The following NEBL variants were observed in gnomAD, a reference collection of about 807,000 sequenced individuals.
NEBL encodes the protein LIM and SH3 protein 2.
Under a neutral mutation model 140.2 loss-of-function variants are expected in NEBL, and 122 were observed. The observed-to-expected ratio is 0.87, with a 90% confidence interval of 0.75 to 1.01. The LOEUF is 1.01. NEBL is among the 50% of genes least tolerant of loss of function. The pLI is 0.00. For missense variants in NEBL, 1,365 were observed against 1,231.3 expected, an observed-to-expected ratio of 1.11 and a Z score of -1.62; for synonymous variants, 436 against 398.9, an observed-to-expected ratio of 1.09 and a Z score of -1.11.
chr10:21,016,668 G>A (rs1368907382), intron 3 of NEBL, among the ~76,000 whole-genome samples: 1 of 152,106 alleles, frequency 6.6e-6, no homozygotes, highest in African/African-American at 2.4e-5. Flanking sequence ...GATTCACTTA[G>A]CATCACAAAT....
chr10:20,813,929 T>C lies in NEBL; in HGVS notation c.2346+10A>G, dbSNP rs767016620. 7 of 1,522,516 alleles carry C rather than the reference T, an allele frequency of 4.6e-6. No individual in the cohort carries two copies. Among genetic ancestry groups the C allele is most frequent in the Non-Finnish European group, 6.4e-6 (7 of 1,096,774 alleles). The allele number at this position is 1,522,516 out of a possible 1,614,324, so 94.3% of individuals were successfully genotyped here. A position where few individuals can be genotyped will look rare whatever the true frequency, so the allele number is the denominator to read the frequency against. The stretch of plus-strand genomic sequence containing the variant: ...TAGCATGTTTTAAGAATGATCTGGT[T>C]GGACCCTACCATTGAAATATGATTT... On this transcript the variant is annotated intron_variant, in intron 23 of 27. Coordinates refer to ENST00000377122, the MANE Select transcript of NEBL (RefSeq NM_006393.3).
In NEBL at chr10:20,897,137, A is replaced by T. The variant is rs746405718; in HGVS notation, c.69T>A (p.Asn23Lys). Residue 23 changes from asparagine to lysine, a missense_variant, in exon 1 of 28, where the codon AAT becomes AAA. Around this residue, in one of 2 missense-constraint regions of NEBL, gnomAD observed 1,323 missense variants for 1,154.8 expected, o/e 1.15. Coordinates refer to ENST00000377122, the MANE Select transcript of NEBL (RefSeq NM_006393.3). ...TTTTCTCACTCACCTGGTCTTCTTC[A>T]TTTTCTTCTTCCCCTATCTTTTCTT... ...TEEEKIGEEENEEDQVFYKPV... is the reference protein window; with the variant it reads ...TEEEKIGEEEKEEDQVFYKPV... The T allele has an allele frequency of 6.2e-7, 1 of 1,603,832 alleles. No individual in the cohort carries two copies. Among genetic ancestry groups the T allele is most frequent in the East Asian group, 2.2e-5 (1 of 44,824 alleles).
chr10:20,912,831 C>T (rs934131844), intron 4 of NEBL, among the ~76,000 whole-genome samples: 14 of 151,090 alleles, frequency 9.3e-5, no homozygotes, highest in Non-Finnish European at 1.8e-4. Context: ...CCTTCACTTT[C>T]CCTATGCCAT....
At chr10:20,876,458 G>T (rs1340819362) in intron 5 of NEBL, among the ~76,000 whole-genome samples, 1 of 152,020 alleles carries the variant, frequency 6.6e-6, no homozygotes, top group East Asian at 1.9e-4. Flanking sequence ...ACCACAGAGA[G>T]CCATAATTGT....
chr10:21,209,872 T>C (rs1351159658), intron 3 of NEBL, among the ~76,000 whole-genome samples: 3 of 152,012 alleles, frequency 2.0e-5, no homozygotes, highest in African/African-American at 7.2e-5. Context: ...CACTCCACGA[T>C]TATCCTTGTG....
intron 3 of NEBL, among the ~76,000 whole-genome samples, chr10:21,231,270 T>G (rs1331079828): frequency 1.3e-5 from 2 of 152,168 alleles, no homozygotes; most frequent in African/African-American, 4.8e-5. Flanking sequence ...CTGGGCGCAG[T>G]GGCTCACATC....
chr10:20,912,352 C>T lies in NEBL; in HGVS notation c.357+49320G>A, dbSNP rs184337560. ...TGTAGTCCTAGCTACTCCAGGAGGC[C>T]GAAGTGGGAGGATCACTTGAGCCTA... On this transcript the variant is annotated intron_variant, in intron 4 of 6. Coordinates refer to the NEBL transcript ENST00000417816. 6.8e-4 allele frequency among the ~76,000 whole-genome samples: 103 copies of T among 152,200 alleles called. 1 individual carries two copies. Among genetic ancestry groups the T allele is most frequent in the African/African-American group, 2.3e-3 (95 of 41,540 alleles).
intron 4 of NEBL, among the ~76,000 whole-genome samples, chr10:20,941,402 CTCAA>C (rs1468821579): frequency 6.6e-6 from 1 of 152,178 alleles, no homozygotes; most frequent in Admixed American, 6.5e-5. Flanking sequence ...GCTAAAAACT[CTCAA>C]TCAATTAGGT....
At chr10:20,821,478 CTA>C (rs1262092665) in intron 19 of NEBL, among the ~76,000 whole-genome samples, 2 of 152,124 alleles carry the variant, frequency 1.3e-5, no homozygotes, top group Admixed American at 1.3e-4. Flanking sequence ...GCCCCTTTCT[CTA>C]TGTCATACCA....
chr10:21,264,602 G>C (rs1842777055), intron 1 of NEBL, among the ~76,000 whole-genome samples: 1 of 147,922 alleles, frequency 6.8e-6, no homozygotes, highest in Non-Finnish European at 1.5e-5. Context: ...GATTAATGCA[G>C]AGGTGTCCAG....
chr10:21,265,331 A>G lies in NEBL; in HGVS notation n.183-13503T>C, dbSNP rs1301786562. Among the ~76,000 whole-genome samples, 3 of 152,156 alleles carry G rather than the reference A, an allele frequency of 2.0e-5. No individual in the cohort carries two copies. The East Asian group carries it at 5.8e-4, about 29-fold the overall frequency. On this transcript the variant is annotated intron_variant and non_coding_transcript_variant, in intron 1 of 8. Transcript: ENST00000675702. ...ATCAGTTATTAGGTTCTAACACAGGAATCCTGGGGCAGTGGGAGGGGGACA... is the reference window on the plus strand; with the variant it reads ...ATCAGTTATTAGGTTCTAACACAGGGATCCTGGGGCAGTGGGAGGGGGACA...
At chr10:21,103,446 C>A (rs1316483061) in intron 2 of NEBL, among the ~76,000 whole-genome samples, 1 of 152,138 alleles carries the variant, frequency 6.6e-6, no homozygotes, top group Non-Finnish European at 1.5e-5. Context: ...ATCTCCTCAC[C>A]TCCTGATCCG....
chr10:20,803,680 T>C (rs1247728991), intron 26 of NEBL, among the ~76,000 whole-genome samples: 5 of 151,824 alleles, frequency 3.3e-5, no homozygotes, highest in African/African-American at 9.7e-5. Flanking sequence ...ACTAACGATT[T>C]TCATCACTCC....
chr10:20,858,836 A>G (rs1007527158), intron 8 of NEBL, among the ~76,000 whole-genome samples: 1 of 152,146 alleles, frequency 6.6e-6, no homozygotes, highest in Non-Finnish European at 1.5e-5. Flanking sequence ...AAATTCCTTT[A>G]TATGTATTAA....
At chr10:20,915,651 A>G (rs1385661998) in intron 4 of NEBL, among the ~76,000 whole-genome samples, 2 of 151,710 alleles carry the variant, frequency 1.3e-5, no homozygotes, top group African/African-American at 4.9e-5. Context: ...AATCCAGTCT[A>G]TCATTGTTGG....
chr10:21,277,058 G>T (rs1842933531), intron 1 of NEBL, among the ~76,000 whole-genome samples: 1 of 152,038 alleles, frequency 6.6e-6, no homozygotes, highest in Non-Finnish European at 1.5e-5. Context: ...GAGCCCAGGA[G>T]GTCAAGGCTG....
intron 2 of NEBL, among the ~76,000 whole-genome samples, chr10:21,041,033 T>C (rs1226467121): frequency 6.6e-6 from 1 of 152,212 alleles, no homozygotes; most frequent in African/African-American, 2.4e-5. Context: ...TAGTTCCTTA[T>C]AGCAATGTAA....
intron 4 of NEBL, among the ~76,000 whole-genome samples, chr10:20,947,381 T>C (rs1456656205): frequency 6.6e-6 from 1 of 152,118 alleles, no homozygotes; most frequent in African/African-American, 2.4e-5. Context: ...CATAGGCTAT[T>C]GTATGAGGGC....
At chr10:20,840,065 T>C (rs1841267229) in intron 13 of NEBL, among the ~76,000 whole-genome samples, 1 of 152,158 alleles carries the variant, frequency 6.6e-6, no homozygotes, top group Non-Finnish European at 1.5e-5. Flanking sequence ...TGGGTTTCTG[T>C]CATTTGTAAC....
Sources: gnomAD v4.1 joint callset for allele counts (sites outside exome capture counted in the v4.1 genomes callset) on GRCh38, gnomAD v4.1.1 for gene constraint, gnomAD v4.1.1 regional missense constraint, MANE v1.5 for transcripts, NCBI Gene and HGNC (gene_info 2026-07-23, HGNC 2026-07-21) for gene names.